AOPEP: variants seen among roughly 807,000 people sequenced by gnomAD.
The protein encoded by AOPEP is aminopeptidase O.
A neutral mutation model predicts 98.1 loss-of-function variants in AOPEP; 77 were observed. That is an observed-to-expected ratio of 0.78 (90% CI 0.65 to 0.95). The LOEUF (loss-of-function observed/expected upper bound fraction) is 0.95, where lower values mean the gene tolerates loss of function less well. Among genes scored for constraint, AOPEP ranks in the 40% least tolerant of loss-of-function variants. The pLI is 0.00. For synonymous variants in AOPEP, 346 were observed against 365.3 expected (o/e 0.95, Z 0.60); for missense variants, 1,024 against 1,024.7 (o/e 1.00, Z 0.01).
At chr9:94,898,959 T>TAAATAAA (rs141404044) in intron 5 of AOPEP, among the ~76,000 whole-genome samples, 4,359 of 151,934 alleles carry the variant, frequency 0.029, 167 homozygotes, top group African/African-American at 0.083. Flanking sequence ...AATAAATAAA[T>TAAATAAA]AAATAAAAAG....
intron 5 of AOPEP, among the ~76,000 whole-genome samples, chr9:94,917,388 C>T (rs2052989531): frequency 6.6e-6 from 1 of 152,196 alleles, no homozygotes; most frequent in South Asian, 2.1e-4. Flanking sequence ...AATGGTGAAG[C>T]TGGCTACAGT....
At chr9:94,939,243 G>A (rs1394603758) in intron 7 of AOPEP, among the ~76,000 whole-genome samples, 6 of 132,594 alleles carry the variant, frequency 4.5e-5, no homozygotes, top group South Asian at 4.9e-4. Context: ...GTGAGACTTC[G>A]TGTCAGAAAA....
At chr9:95,110,054 TG>T in the AOPEP span, among the ~76,000 whole-genome samples, 1 of 152,018 alleles carries the variant, frequency 6.6e-6, no homozygotes, top group Non-Finnish European at 1.5e-5. Flanking sequence ...TGTGACAGAA[TG>T]GGGGGAAGGG....
intron 1 of AOPEP, among the ~76,000 whole-genome samples, chr9:94,746,951 G>T (rs1485408595): frequency 6.6e-6 from 1 of 151,808 alleles, no homozygotes; most frequent in Admixed American, 6.6e-5. Flanking sequence ...TTCAGGAAAA[G>T]GTCTTTGACT....
At chr9:94,777,200 C>G (rs550309581) in intron 3 of AOPEP, among the ~76,000 whole-genome samples, 1 of 151,740 alleles carries the variant, frequency 6.6e-6, no homozygotes, top group Non-Finnish European at 1.5e-5. Context: ...TTCGGGAGGC[C>G]GAGGGACGGA....
the AOPEP span, chr9:95,109,466 C>A: frequency 1.3e-5 from 2 of 150,472 alleles, no homozygotes; most frequent in African/African-American, 4.9e-5. Context: ...TCCTTTTTTT[C>A]TCTAGGCATC....
intron 3 of AOPEP, among the ~76,000 whole-genome samples, chr9:94,779,108 C>T (rs999303737): frequency 6.6e-6 from 1 of 152,046 alleles, no homozygotes; most frequent in Admixed American, 6.5e-5. Flanking sequence ...AAGGGGTTGG[C>T]AGATACACGC....
chr9:95,050,652 C>G lies in AOPEP; in HGVS notation c.2116-10042C>G, dbSNP rs563080864. Among the ~76,000 whole-genome samples, 5 of 152,292 alleles carry G rather than the reference C, an allele frequency of 3.3e-5. No homozygotes were observed. The South Asian group carries it at 6.2e-4, about 19-fold the overall frequency. On this transcript the variant is annotated intron_variant, in intron 13 of 16. Coordinates refer to ENST00000375315, the MANE Select transcript of AOPEP (RefSeq NM_001193329.3). The stretch of plus-strand genomic sequence containing the variant: ...CTCCCCCCTGCTCCTTAGTTGTGGT[C>G]GGCTCTCCTTACAAATGGACAGGTT...
rs559165750 is a variant in AOPEP at position 95,015,357 on chromosome 9, A to C, written c.2115+9741A>C. Among the ~76,000 whole-genome samples the C allele has an allele frequency of 8.2e-4, 125 of 152,334 alleles. 2 individuals carry two copies. The South Asian group carries it at 0.025, about 30-fold the overall frequency. ...AACCTATTATAGAAGTCCTGCTGAC[A>C]CCTGTGAATCAAGACGATTTGGAAA... On this transcript the variant is annotated intron_variant, in intron 13 of 16. Transcript: ENST00000375315.
At chr9:95,082,178 GA>G (rs2069880163) in intron 15 of AOPEP, among the ~76,000 whole-genome samples, 1 of 152,136 alleles carries the variant, frequency 6.6e-6, no homozygotes, top group Non-Finnish European at 1.5e-5. Flanking sequence ...TACTCCTAGG[GA>G]CACACTTTGC....
intron 1 of AOPEP, among the ~76,000 whole-genome samples, chr9:94,758,293 A>G (rs1837508868): frequency 6.6e-6 from 1 of 152,224 alleles, no homozygotes; most frequent in Admixed American, 6.5e-5. Context: ...CTTTGGCTAG[A>G]GGACAAGGAT....
intron 7 of AOPEP, among the ~76,000 whole-genome samples, chr9:94,943,156 G>A (rs1323031086): frequency 1.3e-5 from 2 of 152,152 alleles, no homozygotes; most frequent in African/African-American, 4.8e-5. Context: ...TTGTGCGACA[G>A]AGGACTCCAT....
chr9:95,087,397 C>G (rs1377916974), downstream of AOPEP, among the ~76,000 whole-genome samples: 1 of 138,166 alleles, frequency 7.2e-6, no homozygotes, highest in Non-Finnish European at 1.5e-5. Context: ...GCAGGAGAAT[C>G]GCTTGAACCC....
chr9:94,797,175 A>T (rs1212045044), intron 4 of AOPEP, among the ~76,000 whole-genome samples: 5 of 152,196 alleles, frequency 3.3e-5, no homozygotes, highest in Admixed American at 2.6e-4. Context: ...GGCTCACGCC[A>T]TTAATCCCAG....
chr9:94,748,803 T>TA (rs1835075258), intron 1 of AOPEP, among the ~76,000 whole-genome samples: 1 of 152,340 alleles, frequency 6.6e-6, no homozygotes, highest in South Asian at 2.1e-4. Flanking sequence ...TCCTCATGCT[T>TA]ACACTGAAGT....
At chr9:94,790,137 A>G (rs1431134641) in intron 3 of AOPEP, among the ~76,000 whole-genome samples, 2 of 151,206 alleles carry the variant, frequency 1.3e-5, no homozygotes, top group African/African-American at 2.4e-5. Context: ...GGCCTCCCAA[A>G]GTGCTGGGAT....
intron 5 of AOPEP, among the ~76,000 whole-genome samples, chr9:94,888,121 T>C (rs1000745756): frequency 3.9e-5 from 6 of 151,996 alleles, no homozygotes; most frequent in African/African-American, 1.4e-4. Context: ...AGTCAAGGAG[T>C]GAAAATGAAA....
At chr9:94,890,391 G>A (rs907698302) in intron 5 of AOPEP, among the ~76,000 whole-genome samples, 1 of 151,340 alleles carries the variant, frequency 6.6e-6, no homozygotes, top group Admixed American at 6.6e-5. Context: ...TTGAACTCCT[G>A]ACCTCAGGTG....
chr9:94,799,556 T>C (rs1490278108), intron 4 of AOPEP, among the ~76,000 whole-genome samples: 1 of 151,210 alleles, frequency 6.6e-6, no homozygotes, highest in Non-Finnish European at 1.5e-5. Context: ...GGCAACAGAG[T>C]GAAATCCTGT....
Sources: allele counts gnomAD v4.1 joint callset (sites outside exome capture counted in the v4.1 genomes callset), GRCh38; gene constraint gnomAD v4.1.1; transcripts MANE v1.5; gene names NCBI Gene and HGNC (gene_info 2026-07-23, HGNC 2026-07-21).